The following CCDC3 variants were observed in gnomAD, a reference collection of about 807,000 sequenced individuals.
CCDC3 encodes coiled-coil domain-containing protein 3.
Under a neutral mutation model 21.4 loss-of-function variants are expected in CCDC3, and 24 were observed. The ratio of observed to expected loss-of-function variants is 1.12; its 90% CI spans 0.81 to 1.58. The LOEUF (loss-of-function observed/expected upper bound fraction) is 1.58. CCDC3 is among the 40% of genes most tolerant of loss of function. The pLI, the probability that CCDC3 is intolerant of heterozygous loss-of-function variation, is 0.00. For synonymous variants in CCDC3, 186 were observed against 166.0 expected, an observed-to-expected ratio of 1.12 and a Z score of -0.93; for missense variants, 425 against 360.9, an observed-to-expected ratio of 1.18 and a Z score of -1.44.
intron 4 of CCDC3, among the ~76,000 whole-genome samples, chr10:13,068,549 A>T (rs188781376): frequency 6.6e-6 from 1 of 152,300 alleles, no homozygotes; most frequent in Non-Finnish European, 1.5e-5. Context: ...TAAATTATGC[A>T]GGTCAGATAT....
At chr10:12,990,048 C>T (rs1247171008) in intron 2 of CCDC3, among the ~76,000 whole-genome samples, 3 of 151,922 alleles carry the variant, frequency 2.0e-5, no homozygotes, top group East Asian at 1.9e-4. Context: ...GTCAGGAGAT[C>T]GAGACCATCC....
At chr10:12,951,202 T>C (rs55704903) in intron 2 of CCDC3, among the ~76,000 whole-genome samples, 20 of 152,052 alleles carry the variant, frequency 1.3e-4, no homozygotes, top group Non-Finnish European at 2.6e-4. Flanking sequence ...GAGACTCTCA[T>C]CTCTACAAAA....
intron 2 of CCDC3, among the ~76,000 whole-genome samples, chr10:12,994,427 ACC>A (rs1564313208): frequency 1.3e-5 from 2 of 149,462 alleles, no homozygotes; most frequent in African/African-American, 5.1e-5. Flanking sequence ...AAAAAAAAAC[ACC>A]CAGCACCCAG....
chr10:12,906,759 AGAT>A (rs1467495916), intron 2 of CCDC3, among the ~76,000 whole-genome samples: 54 of 152,292 alleles, frequency 3.5e-4, no homozygotes, highest in African/African-American at 1.1e-3. Context: ...AGATGAAATC[AGAT>A]GATAAGGGTA....
chr10:12,951,333 G>A (rs1835005323), intron 2 of CCDC3, among the ~76,000 whole-genome samples: 1 of 152,034 alleles, frequency 6.6e-6, no homozygotes. Flanking sequence ...TCCAGCCTGG[G>A]TGACAAAGTG....
chr10:12,955,806 G>A (rs549364199), intron 2 of CCDC3, among the ~76,000 whole-genome samples: 11 of 152,216 alleles, frequency 7.2e-5, no homozygotes, highest in Non-Finnish European at 1.6e-4. Context: ...GCAGTGGTGC[G>A]ATCTCAGCTC....
At chr10:13,035,641 A>G (rs941480323) in intron 5 of CCDC3, among the ~76,000 whole-genome samples, 3 of 152,314 alleles carry the variant, frequency 2.0e-5, no homozygotes, top group African/African-American at 7.2e-5. Flanking sequence ...GAACTATATC[A>G]TCCCGAGGCA....
At chr10:12,977,120 G>C (rs1164918314) in intron 2 of CCDC3, among the ~76,000 whole-genome samples, 8 of 152,052 alleles carry the variant, frequency 5.3e-5, no homozygotes, top group Admixed American at 5.2e-4. Context: ...CCAAAAAACA[G>C]AAAAATTAGC....
At chr10:12,943,619 A>G (rs1333100521) in intron 2 of CCDC3, among the ~76,000 whole-genome samples, 2 of 151,704 alleles carry the variant, frequency 1.3e-5, no homozygotes, top group Non-Finnish European at 2.9e-5. Flanking sequence ...CCCAGGTAGA[A>G]ACCCCATCTG....
intron 2 of CCDC3, among the ~76,000 whole-genome samples, chr10:12,986,274 C>T (rs528544630): frequency 6.6e-6 from 1 of 152,164 alleles, no homozygotes; most frequent in East Asian, 1.9e-4. Flanking sequence ...CAAATGAGTG[C>T]CTGTGTAATG....
At chr10:12,921,972 C>G (rs281857) in intron 2 of CCDC3, among the ~76,000 whole-genome samples, 139,967 of 152,270 alleles carry the variant, frequency 0.92, 64,407 homozygotes, top group South Asian at 0.98. Flanking sequence ...GTTCTCAACT[C>G]TCCTACTTCA....
In CCDC3 at chr10:12,981,177, ATT is replaced by A. The variant is rs59193619; in HGVS notation, c.549+17159_549+17160del. Among the ~76,000 whole-genome samples the A allele has an allele frequency of 6.6e-3, 700 of 105,520 alleles. 4 individuals are homozygous for A. Among genetic ancestry groups the A allele is most frequent in the African/African-American group, 0.025 (656 of 25,764 alleles). The allele number at this position is 105,520 out of a possible 152,430, so 69.2% of individuals were successfully genotyped here. ...TGTGAGCCACTGCATCTGGCCCAGG[ATT>A]TTTTTTTTTTTTTTTTTTTTGAGAT... On this transcript the variant is annotated intron_variant, in intron 2 of 2. Transcript: ENST00000378825.
chr10:13,013,277 G>A (rs1836005597), intron 5 of CCDC3, among the ~76,000 whole-genome samples: 1 of 152,220 alleles, frequency 6.6e-6, no homozygotes, highest in Non-Finnish European at 1.5e-5. Flanking sequence ...TGATTTCAGA[G>A]AGTAGATGAT....
At chr10:12,988,569 C>T (rs1348060075) in intron 2 of CCDC3, among the ~76,000 whole-genome samples, 6 of 152,164 alleles carry the variant, frequency 3.9e-5, no homozygotes, top group Non-Finnish European at 8.8e-5. Flanking sequence ...GTCTTGAACT[C>T]CTGACCTCGA....
chr10:12,955,295 T>C (rs1835065808), intron 2 of CCDC3, among the ~76,000 whole-genome samples: 1 of 152,212 alleles, frequency 6.6e-6, no homozygotes, highest in Admixed American at 6.5e-5. Flanking sequence ...ATATCTAACT[T>C]GGGCAACCTG....
intron 4 of CCDC3, among the ~76,000 whole-genome samples, chr10:13,063,255 T>C (rs1366772902): frequency 1.3e-5 from 2 of 152,098 alleles, no homozygotes; most frequent in Non-Finnish European, 2.9e-5. Flanking sequence ...ATCAGCTCTG[T>C]CTAGGCAGTG....
chr10:12,941,046 C>T (rs561538350), intron 2 of CCDC3, among the ~76,000 whole-genome samples: 5 of 152,236 alleles, frequency 3.3e-5, no homozygotes, highest in African/African-American at 4.8e-5. Context: ...GGCTGCATTC[C>T]CAGACAATTC....
rs527706553 is a variant in CCDC3, at chr10:12,972,056, C to T, written c.549+26282G>A. On this transcript the variant is annotated intron_variant, in intron 2 of 2. Transcript: ENST00000378825. ...TGCTGCCTTATGGCTTCAACTATCACCTCCTGTGCTGGGAGCCTGGACTTC... is the reference window on the plus strand; with the variant it reads ...TGCTGCCTTATGGCTTCAACTATCATCTCCTGTGCTGGGAGCCTGGACTTC... Among the ~76,000 whole-genome samples, 45 of 152,226 alleles carry T rather than the reference C, an allele frequency of 3.0e-4. No individual in the cohort carries two copies. In the East Asian group the frequency reaches 7.3e-3, roughly 25 times the overall value.
At chr10:13,060,953 G>C (rs944855518) in intron 4 of CCDC3, among the ~76,000 whole-genome samples, 10 of 152,152 alleles carry the variant, frequency 6.6e-5, no homozygotes, top group African/African-American at 2.4e-4. Context: ...AGGAAGAGAG[G>C]GCTCTAAGAG....
Sources: allele counts gnomAD v4.1 joint callset (sites outside exome capture counted in the v4.1 genomes callset), GRCh38; gene constraint gnomAD v4.1.1; transcripts MANE v1.5; gene names NCBI Gene and HGNC (gene_info 2026-07-23, HGNC 2026-07-21).